AMPH: variants seen among roughly 807,000 people sequenced by gnomAD.
AMPH encodes the protein amphiphysin (Stiff-Mann syndrome with breast cancer 128kD autoantigen).
A neutral mutation model predicts 99.1 loss-of-function variants in AMPH; 49 were observed. The ratio of observed to expected loss-of-function variants is 0.49; its 90% CI spans 0.39 to 0.63. The LOEUF (loss-of-function observed/expected upper bound fraction) is 0.63, where lower values mean the gene tolerates loss of function less well. Among genes scored for constraint, AMPH ranks in the 20% least tolerant of loss-of-function variants. The pLI is 0.00. For missense variants in AMPH, 759 were observed against 863.4 expected (o/e 0.88, Z 1.52); for synonymous variants, 314 against 317.3 (o/e 0.99, Z 0.11).
At chr7:38,622,576 T>A (rs1322068744) in intron 1 of AMPH, among the ~76,000 whole-genome samples, 1 of 151,970 alleles carries the variant, frequency 6.6e-6, no homozygotes, top group Non-Finnish European at 1.5e-5. Context: ...GTTTTTCAAA[T>A]TGTGGGCTTA....
chr7:38,438,533 C>CA (rs11384080), intron 11 of AMPH, among the ~76,000 whole-genome samples: 76,610 of 149,996 alleles, frequency 0.51, 19,928 homozygotes, highest in Admixed American at 0.57. Context: ...TCTGCAAGTT[C>CA]TCCATAAAAT....
intron 1 of AMPH, among the ~76,000 whole-genome samples, chr7:38,570,513 TATC>T (rs926004486): frequency 1.1e-4 from 16 of 152,148 alleles, no homozygotes; most frequent in African/African-American, 3.9e-4. Context: ...GCCATAGCGA[TATC>T]ATGGCACAAT....
chr7:38,473,842 ATAAC>A (rs1245684676), intron 7 of AMPH, among the ~76,000 whole-genome samples: 2 of 151,946 alleles, frequency 1.3e-5, no homozygotes, highest in African/African-American at 2.4e-5. Flanking sequence ...ATAAATGTGA[ATAAC>A]TAAATAAATT....
Position 38,463,055 on chromosome 7 carries a change from G to A in AMPH, c.808C>T (p.Leu270Phe), listed in dbSNP as rs376003397. ...TPSPPEEPSPLPSPTASPNHT... is the reference protein window; with the variant it reads ...TPSPPEEPSPFPSPTASPNHT... ...TTTGGACTTGCTGTCGGGCTCGGGA[G>A]GGGTGAAGGCTCCTCAGGCGGTGAT... is the stretch of plus-strand genomic sequence containing the variant. Residue 270 changes from leucine to phenylalanine, a missense_variant, in exon 10 of 21, where the codon CTC becomes TTC. Coordinates refer to ENST00000356264, the MANE Select transcript of AMPH (RefSeq NM_001635.4). 1.9e-6 allele frequency: 3 copies of A among 1,612,076 alleles called. No homozygotes were observed. The African/African-American group carries it at 4.0e-5, about 22-fold the overall frequency.
intron 16 of AMPH, among the ~76,000 whole-genome samples, chr7:38,422,117 C>T (rs1255052030): frequency 6.6e-6 from 1 of 152,174 alleles, no homozygotes; most frequent in African/African-American, 2.4e-5. Flanking sequence ...ACTTTAAATA[C>T]TGGAACTTAA....
chr7:38,427,005 C>A lies in AMPH; in HGVS notation c.1183-19G>T. Reference sequence around the variant, plus strand: ...CAGAAGCCTAAACAGAAACGAAAATCAGATTGTGTTATTATTTTTCATTAT... The same window carrying A: ...CAGAAGCCTAAACAGAAACGAAAATAAGATTGTGTTATTATTTTTCATTAT... On this transcript the variant is annotated intron_variant, in intron 14 of 20. Coordinates refer to ENST00000356264, the MANE Select transcript of AMPH (RefSeq NM_001635.4). 1 of 1,607,672 alleles carries A rather than the reference C, an allele frequency of 6.2e-7. No homozygotes were observed. The highest frequency in any genetic ancestry group is 1.1e-5 in the South Asian group (1 of 90,798).
At chr7:38,522,396 T>C (rs984094111) in intron 2 of AMPH, among the ~76,000 whole-genome samples, 4 of 152,122 alleles carry the variant, frequency 2.6e-5, no homozygotes, top group Non-Finnish European at 2.9e-5. Flanking sequence ...CATTATGAAA[T>C]TGAATTAGGT....
chr7:38,494,298 G>A, intron 4 of AMPH, 135 bp downstream of exon 4: 2 of 717,078 alleles, frequency 2.8e-6, no homozygotes, highest in South Asian at 1.8e-5. Context: ...TCATCAGGCA[G>A]CAGAACTGCA....
At chr7:38,488,931 T>C (rs1204069832) in intron 5 of AMPH, among the ~76,000 whole-genome samples, 1 of 152,202 alleles carries the variant, frequency 6.6e-6, no homozygotes, top group Admixed American at 6.5e-5. Context: ...CAAAGTGATC[T>C]ACAGATTCAA....
At chr7:38,535,838 C>T (rs866642504) in intron 1 of AMPH, among the ~76,000 whole-genome samples, 3 of 152,284 alleles carry the variant, frequency 2.0e-5, no homozygotes, top group East Asian at 1.9e-4. Flanking sequence ...GGTGGTAATG[C>T]TCCCTCACCT....
chr7:38,429,338 A>G, intron 14 of AMPH: 3 of 1,289,214 alleles, frequency 2.3e-6, no homozygotes, highest in Non-Finnish European at 2.0e-6. Context: ...TGGGCCAGTC[A>G]GCAGACGAAA....
At chr7:38,414,364 T>C (rs1191260231) in intron 17 of AMPH, among the ~76,000 whole-genome samples, 1 of 152,204 alleles carries the variant, frequency 6.6e-6, no homozygotes, top group African/African-American at 2.4e-5. Context: ...CTTCCTTACA[T>C]TTATATGTTC....
intron 1 of AMPH, among the ~76,000 whole-genome samples, chr7:38,577,952 CT>C (rs1357376027): frequency 6.6e-6 from 1 of 152,156 alleles, no homozygotes; most frequent in African/African-American, 2.4e-5. Context: ...ATACCAAGGG[CT>C]TAACATTGGA....
intron 1 of AMPH, among the ~76,000 whole-genome samples, chr7:38,607,428 C>T (rs1793471924): frequency 6.6e-6 from 1 of 152,122 alleles, no homozygotes; most frequent in Admixed American, 6.6e-5. Flanking sequence ...GGTGCATGTC[C>T]ATTAATGTAT....
At chr7:38,597,960 T>C (rs1793116349) in intron 1 of AMPH, among the ~76,000 whole-genome samples, 1 of 152,226 alleles carries the variant, frequency 6.6e-6, no homozygotes, top group African/African-American at 2.4e-5. Flanking sequence ...ATTTATTTTA[T>C]CTTCCTCACA....
intron 11 of AMPH, among the ~76,000 whole-genome samples, chr7:38,457,349 CA>C (rs1232840552): frequency 1.3e-5 from 2 of 151,662 alleles, no homozygotes; most frequent in Non-Finnish European, 2.9e-5. Context: ...AAAAATTTAC[CA>C]AAGAGATATT....
At chr7:38,386,669 C>T (rs943015403) in intron 20 of AMPH, among the ~76,000 whole-genome samples, 1 of 152,044 alleles carries the variant, frequency 6.6e-6, no homozygotes, top group South Asian at 2.1e-4. Context: ...TCTATATATA[C>T]ACATATGCAA....
At chr7:38,479,916 T>C (rs1027294628) in intron 5 of AMPH, among the ~76,000 whole-genome samples, 10 of 152,240 alleles carry the variant, frequency 6.6e-5, no homozygotes, top group Admixed American at 6.5e-4. Context: ...TAAGAGATTC[T>C]GATTTAATTA....
At chr7:38,621,621 ATATT>A (rs1240969665) in intron 1 of AMPH, among the ~76,000 whole-genome samples, 2 of 152,142 alleles carry the variant, frequency 1.3e-5, no homozygotes, top group Non-Finnish European at 2.9e-5. Context: ...AATCATATAT[ATATT>A]TATTAATTTG....
Sources: allele counts gnomAD v4.1 joint callset (sites outside exome capture counted in the v4.1 genomes callset), GRCh38; gene constraint gnomAD v4.1.1; transcripts MANE v1.5; gene names NCBI Gene and HGNC (gene_info 2026-07-23, HGNC 2026-07-21).